SUGCT: variants seen among roughly 807,000 people sequenced by gnomAD.
The protein encoded by SUGCT is succinyl-CoA:glutarate CoA-transferase.
Under a neutral mutation model 55.0 loss-of-function variants are expected in SUGCT, and 41 were observed. The observed-to-expected ratio is 0.74, with a 90% CI of 0.58 to 0.97. SUGCT has a LOEUF of 0.97. Ranked by LOEUF, SUGCT falls within the 50% of genes least tolerant of loss-of-function variation. The pLI, the probability that SUGCT is intolerant of heterozygous loss-of-function variation, is 0.00. For missense variants in SUGCT, 568 were observed against 547.8 expected (o/e 1.04, Z -0.37); for synonymous variants, 187 against 200.4 (o/e 0.93, Z 0.56).
the SUGCT span, among the ~76,000 whole-genome samples, chr7:40,962,610 CAT>C: frequency 3.3e-4 from 40 of 122,444 alleles, no homozygotes; most frequent in South Asian, 8.3e-4. Flanking sequence ...CACACACACA[CAT>C]CAGAAAAATG....
chr7:40,136,157 C>T (rs1353291238), intron 1 of SUGCT, among the ~76,000 whole-genome samples: 4 of 151,892 alleles, frequency 2.6e-5, no homozygotes, highest in Non-Finnish European at 4.4e-5. Flanking sequence ...GCCACATGCC[C>T]GGCTAATTTT....
At chr7:40,426,662 G>C (rs1230631661) in intron 9 of SUGCT, among the ~76,000 whole-genome samples, 1 of 152,086 alleles carries the variant, frequency 6.6e-6, no homozygotes, top group Admixed American at 6.6e-5. Flanking sequence ...TAGATTTCAG[G>C]CCCTTAAGGT....
the SUGCT span, among the ~76,000 whole-genome samples, chr7:40,889,692 C>A: frequency 2.0e-5 from 3 of 152,146 alleles, no homozygotes; most frequent in Non-Finnish European, 2.9e-5. Context: ...TCCCTTCAAA[C>A]TTCCTTTGAC....
At chr7:40,713,748 AATT>A (rs1329575143) in intron 12 of SUGCT, among the ~76,000 whole-genome samples, 1 of 152,102 alleles carries the variant, frequency 6.6e-6, no homozygotes, top group African/African-American at 2.4e-5. Flanking sequence ...TTTGTCTGGG[AATT>A]ATCAGTTGTG....
At chr7:40,688,552 TAATA>T (rs1464900081) in intron 12 of SUGCT, among the ~76,000 whole-genome samples, 3 of 152,042 alleles carry the variant, frequency 2.0e-5, no homozygotes, top group Non-Finnish European at 4.4e-5. Context: ...AATATATATA[TAATA>T]TTTAAAAGAA....
chr7:41,031,372 G>A, the SUGCT span, among the ~76,000 whole-genome samples: 2 of 152,054 alleles, frequency 1.3e-5, no homozygotes, highest in African/African-American at 4.8e-5. Flanking sequence ...TGCTAAAAAG[G>A]ACTGAGAAAG....
At chr7:40,521,644 A>G (rs1793533892) in intron 12 of SUGCT, among the ~76,000 whole-genome samples, 1 of 152,074 alleles carries the variant, frequency 6.6e-6, no homozygotes, top group African/African-American at 2.4e-5. Flanking sequence ...ATTCTTTTAT[A>G]TCTCTTCGTT....
At chr7:40,376,045 A>G (rs1583546774) in intron 9 of SUGCT, among the ~76,000 whole-genome samples, 1 of 152,296 alleles carries the variant, frequency 6.6e-6, no homozygotes, top group East Asian at 1.9e-4. Flanking sequence ...GCAACAGGGG[A>G]CCTTATATGT....
intron 2 of SUGCT, among the ~76,000 whole-genome samples, chr7:40,181,541 C>T (rs979770135): frequency 5.3e-5 from 8 of 151,832 alleles, no homozygotes; most frequent in African/African-American, 9.7e-5. Context: ...GTCAGGAGAT[C>T]GAGACCATCC....
intron 13 of SUGCT, among the ~76,000 whole-genome samples, chr7:40,766,479 G>A (rs1015210869): frequency 7.2e-5 from 11 of 152,024 alleles, no homozygotes; most frequent in Non-Finnish European, 1.3e-4. Flanking sequence ...CAAAGTGCTG[G>A]GAAAATCTTT....
At chr7:40,674,903 G>A (rs1165322077) in intron 12 of SUGCT, among the ~76,000 whole-genome samples, 2 of 152,016 alleles carry the variant, frequency 1.3e-5, no homozygotes, top group Non-Finnish European at 2.9e-5. Flanking sequence ...GTGGAGGTGA[G>A]TGCTGTATAT....
At chr7:40,572,926 T>C (rs982781686) in intron 12 of SUGCT, among the ~76,000 whole-genome samples, 2 of 152,174 alleles carry the variant, frequency 1.3e-5, no homozygotes, top group African/African-American at 2.4e-5. Context: ...ATGTGATTCA[T>C]CTTGACGTCA....
the SUGCT span, among the ~76,000 whole-genome samples, chr7:40,919,703 C>T: frequency 6.6e-6 from 1 of 152,154 alleles, no homozygotes; most frequent in Non-Finnish European, 1.5e-5. Context: ...CTAGTTTCCT[C>T]CTTCCCCACT....
At chr7:40,180,197 C>T (rs904659568) in intron 1 of SUGCT, among the ~76,000 whole-genome samples, 1 of 151,290 alleles carries the variant, frequency 6.6e-6, no homozygotes, top group Non-Finnish European at 1.5e-5. Flanking sequence ...GATCTCGGCT[C>T]GCTACAGCTT....
intron 1 of SUGCT, among the ~76,000 whole-genome samples, chr7:40,161,319 C>G (rs770396980): frequency 4.6e-5 from 7 of 152,196 alleles, no homozygotes; most frequent in Non-Finnish European, 8.8e-5. Flanking sequence ...CCTTTCCCTT[C>G]TATTCCTCCG....
intron 12 of SUGCT, among the ~76,000 whole-genome samples, chr7:40,513,771 G>A (rs915493645): frequency 6.6e-6 from 1 of 150,446 alleles, no homozygotes; most frequent in African/African-American, 2.4e-5. Flanking sequence ...TGATCTTTAA[G>A]CTCAGGGAAG....
intron 9 of SUGCT, among the ~76,000 whole-genome samples, chr7:40,439,089 T>TGG: frequency 8.0e-6 from 1 of 124,330 alleles, no homozygotes; most frequent in African/African-American, 3.4e-5. Flanking sequence ...TATATATATA[T>TGG]ATATATATAT....
intron 12 of SUGCT, among the ~76,000 whole-genome samples, chr7:40,608,275 A>G (rs922429720): frequency 1.3e-5 from 2 of 152,214 alleles, no homozygotes; most frequent in Non-Finnish European, 2.9e-5. Flanking sequence ...AATGAACACT[A>G]TATTTTAAAT....
intron 8 of SUGCT, among the ~76,000 whole-genome samples, chr7:40,303,175 A>G (rs561531852): frequency 7.2e-5 from 11 of 151,878 alleles, no homozygotes; most frequent in South Asian, 4.2e-4. Context: ...CTGGGATTAC[A>G]GGCGCCTGCC....
Sources: gnomAD v4.1 joint callset for allele counts (sites outside exome capture counted in the v4.1 genomes callset) on GRCh38, gnomAD v4.1.1 for gene constraint, MANE v1.5 for transcripts, NCBI Gene and HGNC (gene_info 2026-07-23, HGNC 2026-07-21) for gene names.